CTNND2: variants seen among roughly 807,000 people sequenced by gnomAD.
CTNND2 encodes catenin delta 2.
A neutral mutation model predicts 144.4 loss-of-function variants in CTNND2; 22 were observed. That is an observed-to-expected ratio of 0.15 (90% CI 0.11 to 0.22). The LOEUF is 0.22. Ranked by LOEUF, CTNND2 falls within the 10% of genes least tolerant of loss-of-function variation. CTNND2 has a pLI of 1.00. For synonymous variants in CTNND2, 751 were observed against 695.6 expected, an observed-to-expected ratio of 1.08 and a Z score of -1.25; for missense variants, 1,353 against 1,618.8, an observed-to-expected ratio of 0.84 and a Z score of 2.82.
chr5:11,058,603 A>G (rs1169598029), intron 16 of CTNND2, among the ~76,000 whole-genome samples: 1 of 152,152 alleles, frequency 6.6e-6, no homozygotes, highest in African/African-American at 2.4e-5. Context: ...GTGGGATGGG[A>G]GCCCACACAC....
At chr5:11,104,976 C>G (rs1037020719) in intron 14 of CTNND2, among the ~76,000 whole-genome samples, 1 of 152,224 alleles carries the variant, frequency 6.6e-6, no homozygotes, top group Non-Finnish European at 1.5e-5. Context: ...ACACATCCCT[C>G]AGGAGTGAAG....
intron 3 of CTNND2, among the ~76,000 whole-genome samples, chr5:11,436,707 C>G (rs1383074777): frequency 6.6e-6 from 1 of 152,144 alleles, no homozygotes; most frequent in Non-Finnish European, 1.5e-5. Context: ...CAAAGGATTT[C>G]AAAAATTTCA....
intron 1 of CTNND2, among the ~76,000 whole-genome samples, chr5:11,765,942 G>C (rs1581846697): frequency 6.6e-6 from 1 of 152,192 alleles, no homozygotes; most frequent in East Asian, 1.9e-4. Flanking sequence ...TTAATAACTA[G>C]AGTCAGTATA....
At chr5:11,847,948 T>C (rs1794823892) in intron 1 of CTNND2, among the ~76,000 whole-genome samples, 1 of 152,070 alleles carries the variant, frequency 6.6e-6, no homozygotes, top group South Asian at 2.1e-4. Flanking sequence ...ACAATGGCAA[T>C]TATGTTAAAA....
At position 11,346,627 on chromosome 5, in the gene CTNND2, G is replaced by T; in HGVS notation, c.1373C>A (p.Ala458Asp). Reference sequence around the variant, plus strand: ...GGAGTCGACACCAGGGGAAGATGGGGCTACGACAGGAAAGTAGGGACAAAG... The same window carrying T: ...GGAGTCGACACCAGGGGAAGATGGGTCTACGACAGGAAAGTAGGGACAAAG... ...AHTGTYRTST[A>D]PSSPGVDSVP... The change falls in exon 9 of 22, where the codon GCC becomes GAC. Residue 458 changes from alanine to aspartate, a missense_variant and splice_region_variant. By Grantham distance (126) the Ala-to-Asp change is moderately radical. Coordinates refer to ENST00000304623, the MANE Select transcript of CTNND2 (RefSeq NM_001332.4). The T allele has an allele frequency of 6.7e-7, 1 of 1,482,608 alleles. No homozygotes were observed. The highest frequency in any genetic ancestry group is 9.0e-7 in the Non-Finnish European group (1 of 1,113,116). The allele number at this position is 1,482,608 out of a possible 1,614,324, so 91.8% of individuals were successfully genotyped here.
intron 8 of CTNND2, among the ~76,000 whole-genome samples, chr5:11,348,662 C>A (rs957821559): frequency 6.6e-6 from 1 of 151,966 alleles, no homozygotes; most frequent in Admixed American, 6.6e-5. Flanking sequence ...CTAAAGAAGT[C>A]TTTTTGTTAA....
At chr5:11,090,353 T>C (rs1750638034) in intron 15 of CTNND2, among the ~76,000 whole-genome samples, 1 of 152,214 alleles carries the variant, frequency 6.6e-6, no homozygotes, top group Non-Finnish European at 1.5e-5. Flanking sequence ...GTGCTCTCAG[T>C]GCAATTGGTG....
chr5:11,750,779 G>C (rs2126784905), intron 1 of CTNND2, among the ~76,000 whole-genome samples: 1 of 150,556 alleles, frequency 6.6e-6, no homozygotes, highest in South Asian at 2.1e-4. Context: ...AGCTAGTCTA[G>C]ACTAGACTAG....
At chr5:11,781,205 T>G (rs1237150479) in intron 1 of CTNND2, among the ~76,000 whole-genome samples, 3 of 148,578 alleles carry the variant, frequency 2.0e-5, no homozygotes, top group Admixed American at 6.9e-5. Flanking sequence ...AGAACACTAA[T>G]CCAACTGACA....
intron 18 of CTNND2, among the ~76,000 whole-genome samples, chr5:10,995,170 G>T (rs1739204271): frequency 6.6e-6 from 1 of 152,178 alleles, no homozygotes; most frequent in African/African-American, 2.4e-5. Context: ...AAAGCAAAGA[G>T]AATGGATGCA....
At chr5:11,102,498 C>T (rs1751995065) in intron 14 of CTNND2, among the ~76,000 whole-genome samples, 1 of 152,154 alleles carries the variant, frequency 6.6e-6, no homozygotes, top group African/African-American at 2.4e-5. Flanking sequence ...GATCATAGAA[C>T]AAACCAATAG....
chr5:11,271,224 G>A (rs182662432), intron 9 of CTNND2, among the ~76,000 whole-genome samples: 1 of 152,168 alleles, frequency 6.6e-6, no homozygotes, highest in Non-Finnish European at 1.5e-5. Flanking sequence ...CACTGTTCAT[G>A]ACCAATAAAC....
chr5:11,166,598 G>C (rs947660030), intron 11 of CTNND2, among the ~76,000 whole-genome samples: 1 of 151,452 alleles, frequency 6.6e-6, no homozygotes, highest in East Asian at 2.0e-4. Context: ...TTGATGGTGG[G>C]AGTGGGAGGG....
intron 7 of CTNND2, among the ~76,000 whole-genome samples, chr5:11,374,816 A>T (rs2149786358): frequency 7.5e-6 from 1 of 132,900 alleles, no homozygotes; most frequent in African/African-American, 2.8e-5. Context: ...TTACATCAAG[A>T]TGCAAAGCAG....
At chr5:11,091,240 T>A (rs917113619) in intron 15 of CTNND2, among the ~76,000 whole-genome samples, 6 of 152,168 alleles carry the variant, frequency 3.9e-5, no homozygotes, top group African/African-American at 1.4e-4. Flanking sequence ...TGTCTTCAAG[T>A]TCACTGATCT....
intron 15 of CTNND2, among the ~76,000 whole-genome samples, chr5:11,084,701 C>A (rs1440437045): frequency 6.6e-6 from 1 of 152,078 alleles, no homozygotes; most frequent in Non-Finnish European, 1.5e-5. Context: ...TTCCACCATA[C>A]CACTTCTTTG....
intron 14 of CTNND2, among the ~76,000 whole-genome samples, chr5:11,110,378 C>T (rs563483651): frequency 6.6e-6 from 1 of 152,300 alleles, no homozygotes; most frequent in South Asian, 2.1e-4. Context: ...TCTGTTACCC[C>T]ATTTCCAATG....
intron 15 of CTNND2, among the ~76,000 whole-genome samples, chr5:11,089,372 AAC>A (rs1750521885): frequency 6.6e-6 from 1 of 152,226 alleles, no homozygotes. Flanking sequence ...TCATTGCAAA[AAC>A]AACCTCATGG....
chr5:11,507,256 G>T (rs16901689), intron 3 of CTNND2, among the ~76,000 whole-genome samples: 37,776 of 152,036 alleles, frequency 0.25, 6,520 homozygotes, highest in African/African-American at 0.5. Context: ...GGTTCTTTAC[G>T]AAATGAAGAA....
Sources: allele counts gnomAD v4.1 joint callset (sites outside exome capture counted in the v4.1 genomes callset), GRCh38; gene constraint gnomAD v4.1.1; transcripts MANE v1.5; gene names NCBI Gene and HGNC (gene_info 2026-07-23, HGNC 2026-07-21).